Variants in SLC4A4 observed in about 807,000 individuals in gnomAD.
The protein encoded by SLC4A4 is electrogenic sodium bicarbonate cotransporter 1.
Under a neutral mutation model 111.5 loss-of-function variants are expected in SLC4A4, and 27 were observed. The ratio of observed to expected loss-of-function variants is 0.24; its 90% CI spans 0.18 to 0.33. The LOEUF (loss-of-function observed/expected upper bound fraction) is 0.33. SLC4A4 is among the 10% of genes least tolerant of loss of function. SLC4A4 has a pLI of 1.00. For synonymous variants in SLC4A4, 443 were observed against 463.4 expected, an observed-to-expected ratio of 0.96 and a Z score of 0.57; for missense variants, 909 against 1,315.5, an observed-to-expected ratio of 0.69 and a Z score of 4.78.
At chr4:71,515,810 A>G (rs1278449640) in intron 16 of SLC4A4, among the ~76,000 whole-genome samples, 2 of 152,034 alleles carry the variant, frequency 1.3e-5, no homozygotes, top group Non-Finnish European at 2.9e-5. Context: ...TTTCATTTGC[A>G]TGGAATATCT....
intron 2 of SLC4A4, among the ~76,000 whole-genome samples, chr4:71,250,965 G>T (rs937225067): frequency 2.6e-5 from 4 of 152,148 alleles, no homozygotes; most frequent in African/African-American, 9.7e-5. Flanking sequence ...TGCATGAGGA[G>T]GTAGATATAA....
chr4:71,249,013 T>C (rs932420376), intron 2 of SLC4A4, among the ~76,000 whole-genome samples: 2 of 152,180 alleles, frequency 1.3e-5, no homozygotes, highest in Admixed American at 6.5e-5. Context: ...TCACTATTAT[T>C]ATCATCATCA....
At chr4:71,345,306 CT>C (rs912147344) in intron 4 of SLC4A4, among the ~76,000 whole-genome samples, 9 of 151,514 alleles carry the variant, frequency 5.9e-5, no homozygotes, top group East Asian at 1.9e-4. Context: ...GAGAAAGGGA[CT>C]TTTTTTTTCC....
chr4:71,409,556 C>T (rs1217162367), intron 7 of SLC4A4, among the ~76,000 whole-genome samples: 1 of 152,160 alleles, frequency 6.6e-6, no homozygotes. Flanking sequence ...GCAAAGCATT[C>T]AAAAGGTGAC....
intron 1 of SLC4A4, among the ~76,000 whole-genome samples, chr4:71,197,293 T>C (rs1746053129): frequency 6.6e-6 from 1 of 152,232 alleles, no homozygotes; most frequent in Admixed American, 6.5e-5. Context: ...TATTAGGCTT[T>C]TTACATACTT....
At chr4:71,412,698 G>T (rs1002513805) in intron 7 of SLC4A4, among the ~76,000 whole-genome samples, 2 of 152,144 alleles carry the variant, frequency 1.3e-5, no homozygotes, top group Admixed American at 6.5e-5. Flanking sequence ...GATGTTAGAT[G>T]TCCTAGCACA....
intron 2 of SLC4A4, among the ~76,000 whole-genome samples, chr4:71,160,648 G>C (rs534598223): frequency 6.7e-6 from 1 of 148,770 alleles, no homozygotes; most frequent in East Asian, 2.0e-4. Context: ...GATGAGGAAA[G>C]GTAGGAGCTT....
Position 71,176,568 on chromosome 4 carries a change from A to G in SLC4A4, c.-1-60008A>G, listed in dbSNP as rs2148985086. Among the ~76,000 whole-genome samples the G allele has an allele frequency of 1.3e-5, 2 of 152,366 alleles. 1 individual carries two copies. Among genetic ancestry groups the G allele is most frequent in the South Asian group, 4.1e-4 (2 of 4,830 alleles). ...AGTAGCCGATTTGATCAACTGGAAG[A>G]AAGGGTATCAGTGATGGAAGCTCAA... On this transcript the variant is annotated intron_variant, in intron 2 of 26. Transcript: ENST00000649996.
intron 7 of SLC4A4, among the ~76,000 whole-genome samples, chr4:71,436,298 T>C (rs551662368): frequency 1.2e-4 from 19 of 152,212 alleles, no homozygotes; most frequent in Admixed American, 1.0e-3. Flanking sequence ...CTCAGCAAAC[T>C]AACAGAAGAA....
intron 18 of SLC4A4, among the ~76,000 whole-genome samples, chr4:71,541,318 C>G (rs951149669): frequency 6.6e-6 from 1 of 151,970 alleles, no homozygotes; most frequent in African/African-American, 2.4e-5. Flanking sequence ...AAGAGAAAAA[C>G]AGGGACGTTT....
chr4:71,500,114 C>T (rs1227635502), intron 16 of SLC4A4, among the ~76,000 whole-genome samples: 3 of 152,188 alleles, frequency 2.0e-5, no homozygotes, highest in South Asian at 2.1e-4. Context: ...TTGATAATAA[C>T]CATCCCAACA....
intron 16 of SLC4A4, 79 bp downstream of exon 16, chr4:71,497,771 G>T (rs1730547744): frequency 2.5e-6 from 3 of 1,217,220 alleles, no homozygotes; most frequent in Non-Finnish European, 2.4e-6. Context: ...GGTGAAAAAG[G>T]CACCTGTAAT....
At position 71,477,502 on chromosome 4, in the gene SLC4A4, G is replaced by A. The variant is rs369447857; in HGVS notation, c.1903+4532G>A. Among the ~76,000 whole-genome samples the A allele has an allele frequency of 5.3e-4, 81 of 151,796 alleles. 1 individual carries two copies. In the South Asian group the frequency reaches 6.6e-3, roughly 12 times the overall value. On this transcript the variant is annotated intron_variant, in intron 14 of 25. Transcript: ENST00000264485. Reference sequence around the variant, plus strand: ...CTGTTATAGATAAATATGAAACATTGAAGCTGTATTTACAAAAAAAAGTTA... The same window carrying A: ...CTGTTATAGATAAATATGAAACATTAAAGCTGTATTTACAAAAAAAAGTTA...
chr4:71,126,124 G>A (rs779614819), intron 2 of SLC4A4, among the ~76,000 whole-genome samples: 11 of 152,062 alleles, frequency 7.2e-5, no homozygotes, highest in African/African-American at 2.7e-4. Flanking sequence ...TATTAGTACT[G>A]TTATATAGAT....
intron 14 of SLC4A4, among the ~76,000 whole-genome samples, chr4:71,486,706 G>A (rs183154943): frequency 2.3e-4 from 35 of 150,286 alleles, no homozygotes; most frequent in Admixed American, 6.0e-4. Context: ...TTTTAATACC[G>A]TCTCTTTAAA....
intron 6 of SLC4A4, among the ~76,000 whole-genome samples, chr4:71,359,607 A>C (rs1482017102): frequency 6.6e-6 from 1 of 152,222 alleles, no homozygotes; most frequent in Non-Finnish European, 1.5e-5. Context: ...TTAAAAAACT[A>C]TGAAATGTTC....
chr4:71,368,345 TA>T (rs1046865722), intron 6 of SLC4A4, among the ~76,000 whole-genome samples: 1 of 152,146 alleles, frequency 6.6e-6, no homozygotes, highest in Non-Finnish European at 1.5e-5. Flanking sequence ...ATGTTAAAAT[TA>T]AAAGTGAGTA....
At position 71,536,457 on chromosome 4, in the gene SLC4A4, CATATATACATATATATAT is replaced by C. The variant is rs1221193145; in HGVS notation, c.2442+2077_2442+2094del. On this transcript the variant is annotated intron_variant, in intron 18 of 25. Coordinates refer to ENST00000264485, the MANE Select transcript of SLC4A4 (RefSeq NM_001098484.3). The stretch of plus-strand genomic sequence containing the variant: ...TCATTTAAGCATATATACATATATA[CATATATACATATATATAT>C]ATATATATATATGTATATATTTATT... Among the ~76,000 whole-genome samples the C allele has an allele frequency of 6.7e-4, 21 of 31,406 alleles. 2 individuals carry two copies. The Admixed American group carries it at 7.3e-3, about 11-fold the overall frequency. 20.6% of individuals were successfully genotyped at this position (31,406 alleles called of 152,430 possible).
At chr4:71,153,033 G>A (rs866412859) in intron 2 of SLC4A4, among the ~76,000 whole-genome samples, 3 of 132,724 alleles carry the variant, frequency 2.3e-5, no homozygotes, top group South Asian at 2.4e-4. Flanking sequence ...ATATGTGTGT[G>A]TATATATATA....
Sources: allele counts gnomAD v4.1 joint callset (sites outside exome capture counted in the v4.1 genomes callset), GRCh38; gene constraint gnomAD v4.1.1; transcripts MANE v1.5; gene names NCBI Gene and HGNC (gene_info 2026-07-23, HGNC 2026-07-21).